MMP17: variants seen among roughly 807,000 people sequenced by gnomAD.
The protein encoded by MMP17 is matrix metalloproteinase-17.
In MMP17, 54 loss-of-function variants were observed where a neutral mutation model predicts 49.1. The observed-to-expected ratio is 1.10, with a 90% CI of 0.88 to 1.38. MMP17 has a LOEUF of 1.38. Ranked by LOEUF, MMP17 falls within the 40% of genes most tolerant of loss-of-function variation. MMP17 has a pLI of 0.00. For synonymous variants in MMP17, 397 were observed against 383.1 expected, an observed-to-expected ratio of 1.04 and a Z score of -0.42; for missense variants, 837 against 853.7, an observed-to-expected ratio of 0.98 and a Z score of 0.24.
At chr12:131,831,302 C>G (rs892862628) in intron 1 of MMP17, among the ~76,000 whole-genome samples, 5 of 152,166 alleles carry the variant, frequency 3.3e-5, no homozygotes, top group African/African-American at 1.2e-4. Context: ...CTGTCATCAC[C>G]GCGCCCACGG....
intron 1 of MMP17, among the ~76,000 whole-genome samples, chr12:131,836,798 G>A (rs1169258536): frequency 1.3e-5 from 2 of 152,184 alleles, no homozygotes; most frequent in African/African-American, 4.8e-5. Context: ...TATCCACAGG[G>A]CAGAGCAGCA....
chr12:131,845,123 G>A lies in MMP17; in HGVS notation c.974G>A (p.Arg325Lys). The A allele has an allele frequency of 3.1e-6, 5 of 1,614,012 alleles. No individual in the cohort carries two copies. Among genetic ancestry groups the A allele is most frequent in the Non-Finnish European group, 4.2e-6 (5 of 1,179,926 alleles). The change falls in exon 7 of 10, where the codon AGG becomes AAG. Residue 325 changes from arginine to lysine, a missense_variant. Physicochemically the swap from Arg to Lys is conservative, Grantham distance 26 (BLOSUM62 2). Transcript: ENST00000360564. Reference protein sequence around the residue: ...PPDNRSSAPPRKDVPHRCSTH... With the variant: ...PPDNRSSAPPKKDVPHRCSTH... ...ACCTGGCTCTCTCCCTGCAGGCCCAGGAAGGACGTGCCCCACAGATGCAGC... is the reference window on the plus strand; with the variant it reads ...ACCTGGCTCTCTCCCTGCAGGCCCAAGAAGGACGTGCCCCACAGATGCAGC...
intron 1 of MMP17, among the ~76,000 whole-genome samples, chr12:131,833,219 C>T (rs149250090): frequency 2.2e-4 from 33 of 152,384 alleles, no homozygotes; most frequent in African/African-American, 7.7e-4. Context: ...CTTGCAGTGC[C>T]TGAGGGACAT....
chr12:131,842,950 C>T (rs1887495586), intron 5 of MMP17, among the ~76,000 whole-genome samples: 1 of 152,120 alleles, frequency 6.6e-6, no homozygotes, highest in Admixed American at 6.5e-5. Context: ...CCCCTGACCT[C>T]CTTTCTTCAT....
intron 1 of MMP17, among the ~76,000 whole-genome samples, chr12:131,835,173 T>A (rs1206204803): frequency 6.6e-6 from 1 of 152,042 alleles, no homozygotes; most frequent in African/African-American, 2.4e-5. Flanking sequence ...CACAAACTCG[T>A]GTTAGGTAGG....
intron 8 of MMP17, among the ~76,000 whole-genome samples, chr12:131,848,398 C>T (rs1438494298): frequency 6.6e-6 from 1 of 152,132 alleles, no homozygotes; most frequent in African/African-American, 2.4e-5. Flanking sequence ...GTTTTTTGGT[C>T]GTTTTAAATT....
In MMP17 at chr12:131,851,110, G is replaced by A. The variant is rs1324270216; in HGVS notation, c.1648G>A (p.Asp550Asn). The A allele has an allele frequency of 1.3e-6, 2 of 1,595,470 alleles. No individual in the cohort carries two copies. The highest frequency in any genetic ancestry group is 2.3e-5 in the South Asian group (2 of 88,666). Residue 550 changes from aspartate (D) to asparagine (N), a missense_variant, in exon 10 of 10, where the codon GAC (aspartate) becomes AAC (asparagine). Asp to Asn is a conservative substitution (Grantham distance 23). Coordinates refer to ENST00000360564, the MANE Select transcript of MMP17 (RefSeq NM_016155.7). ...GCCCCGCGCCCCTCCAGGACAACAT[G>A]ACCAGAGCCGCTCGGAGGACGGTTA... The part of the protein sequence containing the change: ...EGPRAPPGQH[D>N]QSRSEDGYEV...
chr12:131,845,924 C>T (rs961115497), intron 8 of MMP17, among the ~76,000 whole-genome samples: 2 of 152,122 alleles, frequency 1.3e-5, no homozygotes, highest in Non-Finnish European at 2.9e-5. Context: ...GGAGGAGGCT[C>T]GGGACAGAAG....
Position 131,835,441 on chromosome 12 carries a change from G to A in MMP17, c.160-2754G>A, listed in dbSNP as rs192528967. Reference sequence around the variant, plus strand: ...ACTGGGAGTGCTGCCTGCCAGGCCCGGCTCCACTTTCCTGAAATGCATGTG... The same window carrying A: ...ACTGGGAGTGCTGCCTGCCAGGCCCAGCTCCACTTTCCTGAAATGCATGTG... On this transcript the variant is annotated intron_variant, in intron 1 of 9. Transcript: ENST00000360564. 1.2e-4 allele frequency among the ~76,000 whole-genome samples: 19 copies of A among 152,344 alleles called. No individual in the cohort carries two copies. The East Asian group carries it at 2.9e-3, about 23-fold the overall frequency.
At chr12:131,841,588 C>G (rs1887411353) in intron 4 of MMP17, 36 bp from the exon 5 acceptor site, 12 of 1,611,378 alleles carry the variant, frequency 7.4e-6, no homozygotes, top group Non-Finnish European at 5.9e-6. Context: ...CAGGGCCCTT[C>G]TTGCCCTTAG....
intron 1 of MMP17, among the ~76,000 whole-genome samples, chr12:131,831,832 G>GT (rs1161343552): frequency 3.1e-5 from 2 of 64,894 alleles, no homozygotes; most frequent in African/African-American, 1.4e-4. Flanking sequence ...AGGATCTGGG[G>GT]GGGGACGGGA....
At chr12:131,839,776 C>A (rs569462475) in intron 3 of MMP17, among the ~76,000 whole-genome samples, 4 of 151,948 alleles carry the variant, frequency 2.6e-5, no homozygotes, top group African/African-American at 4.8e-5. Flanking sequence ...GGTGAGACCC[C>A]GTCTCTACTA....
chr12:131,840,424 G>A (rs922167285), intron 3 of MMP17, 149 bp from the exon 4 acceptor site: 123 of 794,024 alleles, frequency 1.5e-4, no homozygotes, highest in Non-Finnish European at 2.3e-4. Context: ...TGAGTGCATC[G>A]GATGACTCCT....
At chr12:131,838,850 G>C in intron 3 of MMP17, 109 bp downstream of exon 3, 1 of 1,367,548 alleles carries the variant, frequency 7.3e-7, no homozygotes, top group East Asian at 2.6e-5. Flanking sequence ...GGTGGGGAAC[G>C]GGGTCTCCGT....
At chr12:131,841,318 C>A (rs1357250494) in intron 4 of MMP17, among the ~76,000 whole-genome samples, 21 of 152,340 alleles carry the variant, frequency 1.4e-4, no homozygotes, top group Admixed American at 1.4e-3. Context: ...GGTCATCCGA[C>A]CGACACCTGG....
intron 1 of MMP17, among the ~76,000 whole-genome samples, chr12:131,836,421 T>G (rs909790111): frequency 1.3e-5 from 2 of 151,248 alleles, no homozygotes; most frequent in Admixed American, 1.3e-4. Context: ...GACCAGAACC[T>G]GGAGGCCCAG....
In MMP17 at chr12:131,847,133, T is replaced by A. The variant is rs540730266; in HGVS notation, c.1204+1684T>A. On this transcript the variant is annotated intron_variant, in intron 8 of 9. Coordinates refer to ENST00000360564, the MANE Select transcript of MMP17 (RefSeq NM_016155.7). ...CTAAAAAAAAAAAAAAACCAAAATG[T>A]CACGCGCAGTGGCTCACGCCTGCAA... 5.5e-3 allele frequency among the ~76,000 whole-genome samples: 804 copies of A among 146,546 alleles called. 3 individuals are homozygous for A. The highest frequency in any genetic ancestry group is 8.9e-3 in the Non-Finnish European group (597 of 66,934).
At chr12:131,841,560 G>A in intron 4 of MMP17, 64 bp from the exon 5 acceptor site, 1 of 1,563,484 alleles carries the variant, frequency 6.4e-7, no homozygotes. Context: ...GGGGCCTGCT[G>A]GTCCCTCCCC....
At chr12:131,828,970 GC>G (rs1464661014) in intron 1 of MMP17, among the ~76,000 whole-genome samples, 1 of 152,138 alleles carries the variant, frequency 6.6e-6, no homozygotes, top group African/African-American at 2.4e-5. Context: ...GCTTGCAGCA[GC>G]CCCGGAGCAG....
Sources: allele counts gnomAD v4.1 joint callset (sites outside exome capture counted in the v4.1 genomes callset), GRCh38; gene constraint gnomAD v4.1.1; transcripts MANE v1.5; gene names NCBI Gene and HGNC (gene_info 2026-07-23, HGNC 2026-07-21).